NLRP8: variants seen among roughly 807,000 people sequenced by gnomAD.
NLRP8 encodes NACHT, LRR and PYD domains-containing protein 8.
Under a neutral mutation model 88.7 loss-of-function variants are expected in NLRP8, and 86 were observed. That is an observed-to-expected ratio of 0.97 (90% CI 0.81 to 1.16). The LOEUF is 1.16. NLRP8 is among the 50% of genes most tolerant of loss of function. The probability of loss-of-function intolerance (pLI) is 0.00; values close to 1 mark genes in which losing one functional copy is unlikely to be tolerated. For synonymous variants in NLRP8, 504 were observed against 494.6 expected, an observed-to-expected ratio of 1.02 and a Z score of -0.25; for missense variants, 1,342 against 1,286.5, an observed-to-expected ratio of 1.04 and a Z score of -0.66.
intron 9 of NLRP8, among the ~76,000 whole-genome samples, chr19:55,987,351 CAG>C (rs769720669): frequency 1.6e-3 from 249 of 152,356 alleles, no homozygotes; most frequent in Admixed American, 3.6e-3. Context: ...GCGTGGGTGA[CAG>C]AGTGAGACTT....
chr19:55,970,567 C>T lies in NLRP8; in HGVS notation c.2405C>T (p.Pro802Leu). ...AGGTTGGAAGACTGCTTGGCCACCCCTAGAATTTGGACTGATCTTGGCAAT... is the reference window on the plus strand; with the variant it reads ...AGGTTGGAAGACTGCTTGGCCACCCTTAGAATTTGGACTGATCTTGGCAAT... Residue 802 changes from proline to leucine, a missense_variant, in exon 6 of 10, where the codon CCT (proline) becomes CTT (leucine). Physicochemically the swap from Pro to Leu is moderately conservative, Grantham distance 98. Transcript: ENST00000291971. The T allele has an allele frequency of 1.9e-6, 3 of 1,614,112 alleles. No individual in the cohort carries two copies. The highest frequency in any genetic ancestry group is 2.5e-6 in the Non-Finnish European group (3 of 1,180,022).
chr19:55,959,273 G>A lies in NLRP8; in HGVS notation c.2043-2794G>A, dbSNP rs769608447. Among the ~76,000 whole-genome samples, 14 of 150,546 alleles carry A rather than the reference G, an allele frequency of 9.3e-5. No individual in the cohort carries two copies. The East Asian group carries it at 9.9e-4, about 11-fold the overall frequency. Reference sequence around the variant, plus strand: ...GTCTCCCAGGCTGGAGTGCAGTTGCGTGATCTCGGCTCACTGCAAGCTCCG... The same window carrying A: ...GTCTCCCAGGCTGGAGTGCAGTTGCATGATCTCGGCTCACTGCAAGCTCCG... On this transcript the variant is annotated intron_variant, in intron 3 of 9. Coordinates refer to ENST00000291971, the MANE Select transcript of NLRP8 (RefSeq NM_176811.2).
chr19:55,973,640 T>G lies in NLRP8; in HGVS notation c.2535-12T>G, dbSNP rs768971708. ...CTCTCCATTCAGTCATCTGTGTGCT[T>G]CTCTCCCATAGGATAGAGAACTGCA... On this transcript the variant is annotated splice_polypyrimidine_tract_variant and intron_variant, in intron 6 of 9. Coordinates refer to ENST00000291971, the MANE Select transcript of NLRP8 (RefSeq NM_176811.2). 1.9e-6 allele frequency: 3 copies of G among 1,587,586 alleles called. No homozygotes were observed. Among genetic ancestry groups the G allele is most frequent in the Admixed American group, 3.4e-5 (2 of 58,154 alleles).
intron 1 of NLRP8, among the ~76,000 whole-genome samples, chr19:55,952,298 A>G (rs1004508819): frequency 6.6e-6 from 1 of 152,122 alleles, no homozygotes; most frequent in Non-Finnish European, 1.5e-5. Flanking sequence ...TCCATTTATA[A>G]CATGTTTTTG....
At chr19:55,957,675 ATATATATATATATATATATATAT>A (rs1568460891) in intron 3 of NLRP8, among the ~76,000 whole-genome samples, 5,085 of 105,522 alleles carry the variant, frequency 0.048, 272 homozygotes, top group Non-Finnish European at 0.055. Flanking sequence ...AATAATAATT[ATATATATATATATATATATATAT>A]ATATATATAT....
At position 55,952,583 on chromosome 19, in the gene NLRP8, C is replaced by A. The variant is rs749712913; in HGVS notation, c.413C>A (p.Thr138Lys). 6.8e-6 allele frequency: 11 copies of A among 1,613,906 alleles called. No homozygotes were observed. Among genetic ancestry groups the A allele is most frequent in the Non-Finnish European group, 9.3e-6 (11 of 1,179,962 alleles). The change falls in exon 2 of 10, where the codon ACA becomes AAA. Residue 138 changes from threonine to lysine, a missense_variant. By Grantham distance (78) the Thr-to-Lys change is moderately conservative. Transcript: ENST00000291971. Reference sequence around the variant, plus strand: ...CCAGAGGACTTGAATGTGGGAGAAACACAGGTGAATCTGGAGGAAGGAGAA... The same window carrying A: ...CCAGAGGACTTGAATGTGGGAGAAAAACAGGTGAATCTGGAGGAAGGAGAA...
chr19:55,958,544 T>G (rs1019701527), intron 3 of NLRP8, among the ~76,000 whole-genome samples: 3 of 152,136 alleles, frequency 2.0e-5, no homozygotes, highest in Non-Finnish European at 2.9e-5. Context: ...ACAGTTTGAT[T>G]GGAGCCCGGC....
Position 55,988,103 on chromosome 19 carries a change from C to T in NLRP8, c.*190C>T. The T allele has an allele frequency of 1.9e-6, 1 of 519,224 alleles. No individual in the cohort carries two copies. The highest frequency in any genetic ancestry group is 3.5e-6 in the Non-Finnish European group (1 of 285,388). The allele number at this position is 519,224 out of a possible 1,614,324, so 32.2% of individuals were successfully genotyped here. ...GTGATGCCCTGTGTGTATTAATATG[C>T]TATGTAAGGCTGGGCGTGGTGGCTC... On this transcript the variant is annotated 3_prime_UTR_variant, in exon 10 of 10. Coordinates refer to ENST00000291971, the MANE Select transcript of NLRP8 (RefSeq NM_176811.2).
intron 6 of NLRP8, among the ~76,000 whole-genome samples, chr19:55,972,460 A>G (rs1234455264): frequency 6.6e-6 from 1 of 151,276 alleles, no homozygotes; most frequent in Non-Finnish European, 1.5e-5. Context: ...AGTTTTGGGG[A>G]AACAGGTGGT....
chr19:55,963,937 C>T (rs191891655), intron 4 of NLRP8, among the ~76,000 whole-genome samples: 7 of 152,186 alleles, frequency 4.6e-5, no homozygotes, highest in Admixed American at 4.6e-4. Context: ...CACATGAATG[C>T]TCTTAAAACT....
At chr19:55,964,064 C>T (rs763876974) in intron 4 of NLRP8, among the ~76,000 whole-genome samples, 3 of 152,276 alleles carry the variant, frequency 2.0e-5, no homozygotes, top group South Asian at 2.1e-4. Flanking sequence ...CCACTCCATA[C>T]GCTATCTCTC....
At chr19:55,973,930 C>T (rs537491042) in intron 7 of NLRP8, 108 bp downstream of exon 7, 174 of 1,089,102 alleles carry the variant, frequency 1.6e-4, no homozygotes, top group East Asian at 7.2e-4. Context: ...GTGCCTACTG[C>T]GTGTTAGGCA....
Position 55,966,203 on chromosome 19 carries a change from C to G in NLRP8, c.2214-10C>G. ...GACCCTATTCCAAGGAGACGCTCTT[C>G]CCTCTCCAGCCTAAGGCGTGTGAAT... is the stretch of plus-strand genomic sequence containing the variant. On this transcript the variant is annotated splice_polypyrimidine_tract_variant and intron_variant, in intron 4 of 9. Coordinates refer to ENST00000291971, the MANE Select transcript of NLRP8 (RefSeq NM_176811.2). 6.2e-7 allele frequency: 1 copy of G among 1,612,914 alleles called. No homozygotes were observed. The highest frequency in any genetic ancestry group is 8.5e-7 in the Non-Finnish European group (1 of 1,179,074).
chr19:55,952,844 T>C (rs1979157069), intron 2 of NLRP8, among the ~76,000 whole-genome samples: 1 of 152,124 alleles, frequency 6.6e-6, no homozygotes, highest in Non-Finnish European at 1.5e-5. Context: ...AAGAATTGCT[T>C]GAACCCGGGA....
intron 7 of NLRP8, 95 bp from the exon 8 acceptor site, chr19:55,976,038 A>G: frequency 8.0e-7 from 1 of 1,245,488 alleles, no homozygotes; most frequent in Non-Finnish European, 1.1e-6. Context: ...CCCAAAAACA[A>G]AGAAGTAAAA....
At position 55,973,662 on chromosome 19, in the gene NLRP8, T is replaced by A. The variant is rs1435622561; in HGVS notation, c.2545T>A (p.Cys849Ser). The stretch of plus-strand genomic sequence containing the variant: ...GCTTCTCTCCCATAGGATAGAGAAC[T>A]GCAACCTTACACAGCTTACTTGTGA... The change falls in exon 7 of 10, where the codon TGC (cysteine) becomes AGC (serine). Residue 849 changes from cysteine (C) to serine (S), a missense_variant. Transcript: ENST00000291971. 2.5e-6 allele frequency: 4 copies of A among 1,610,150 alleles called. No homozygotes were observed. The highest frequency in any genetic ancestry group is 3.4e-6 in the Non-Finnish European group (4 of 1,177,330).
chr19:55,973,667 C>T lies in NLRP8; in HGVS notation c.2550C>T (p.Asn850=). ...TCTCCCATAGGATAGAGAACTGCAA[C>T]CTTACACAGCTTACTTGTGAAAGCC... Residue 850 remains asparagine, a synonymous_variant, in exon 7 of 10, where the codon AAC becomes AAT. Transcript: ENST00000291971. The T allele has an allele frequency of 6.2e-7, 1 of 1,612,648 alleles. No homozygotes were observed. Among genetic ancestry groups the T allele is most frequent in the Non-Finnish European group, 8.5e-7 (1 of 1,179,030 alleles).
At chr19:55,948,342 C>T (rs984811580) in intron 1 of NLRP8, 73 bp downstream of exon 1, 4 of 1,471,532 alleles carry the variant, frequency 2.7e-6, no homozygotes, top group Non-Finnish European at 3.7e-6. Flanking sequence ...TAGTCACCAC[C>T]CCTATCACTT....
At chr19:55,986,510 TA>T (rs1568472098) in intron 9 of NLRP8, among the ~76,000 whole-genome samples, 9 of 111,590 alleles carry the variant, frequency 8.1e-5, no homozygotes, top group African/African-American at 2.7e-4. Context: ...ACACACACAC[TA>T]ATTGCTTCAG....
Sources: allele counts gnomAD v4.1 joint callset (sites outside exome capture counted in the v4.1 genomes callset), GRCh38; gene constraint gnomAD v4.1.1; transcripts MANE v1.5; gene names NCBI Gene and HGNC (gene_info 2026-07-23, HGNC 2026-07-21).